CACNB4: variants seen among roughly 807,000 people sequenced by gnomAD.
The protein encoded by CACNB4 is calcium voltage-gated channel auxiliary subunit beta 4.
A neutral mutation model predicts 71.2 loss-of-function variants in CACNB4; 32 were observed. The ratio of observed to expected loss-of-function variants is 0.45; its 90% confidence interval spans 0.34 to 0.60. CACNB4 has a LOEUF of 0.60. CACNB4 is among the 20% of genes least tolerant of loss of function. CACNB4 has a pLI of 0.01. For missense variants in CACNB4, 464 were observed against 647.9 expected (o/e 0.72, Z 3.08); for synonymous variants, 231 against 236.9 (o/e 0.97, Z 0.23).
intron 2 of CACNB4, among the ~76,000 whole-genome samples, chr2:151,896,323 G>C (rs2099852056): frequency 6.6e-6 from 1 of 152,204 alleles, no homozygotes; most frequent in Non-Finnish European, 1.5e-5. Context: ...TGCTGTTTTT[G>C]AATTAGAAGA....
At chr2:151,879,960 G>A (rs1038285889) in intron 4 of CACNB4, 1 of 152,184 alleles carries the variant, frequency 6.6e-6, no homozygotes, top group African/African-American at 2.4e-5. Flanking sequence ...AGCAACTAAT[G>A]AATATGGCTT....
At chr2:151,857,832 T>C (rs1037067117) in intron 10 of CACNB4, 1 of 152,102 alleles carries the variant, frequency 6.6e-6, no homozygotes, top group Non-Finnish European at 1.5e-5. Context: ...AGCAATGAGG[T>C]TAAGTGTGGT....
intron 2 of CACNB4, among the ~76,000 whole-genome samples, chr2:151,915,569 A>C (rs1241089687): frequency 6.6e-6 from 1 of 152,186 alleles, no homozygotes; most frequent in Non-Finnish European, 1.5e-5. Flanking sequence ...GTGGCCAGGC[A>C]CAGTGGCTCA....
At position 151,834,504 on chromosome 2, in the gene CACNB4, A is replaced by G. The variant is rs970285029; in HGVS notation, c.*4615T>C. On this transcript the variant is annotated 3_prime_UTR_variant, in exon 14 of 14. Transcript: ENST00000539935. Reference sequence around the variant, plus strand: ...TTTAGAATTAATCATTACAAGTAAAAAGAGATAGCTGCTATCAGAGGATGT... The same window carrying G: ...TTTAGAATTAATCATTACAAGTAAAGAGAGATAGCTGCTATCAGAGGATGT... 5 of 152,008 alleles carry G rather than the reference A, an allele frequency of 3.3e-5. No homozygotes were observed. The highest frequency in any genetic ancestry group is 7.4e-5 in the Non-Finnish European group (5 of 67,856). The allele number at this position is 152,008 out of a possible 1,614,324, so 9.4% of individuals were successfully genotyped here.
At chr2:151,951,195 G>A (rs2099866840) in intron 2 of CACNB4, among the ~76,000 whole-genome samples, 1 of 152,118 alleles carries the variant, frequency 6.6e-6, no homozygotes, top group African/African-American at 2.4e-5. Flanking sequence ...CAAAGTGCTA[G>A]GATTACAAGC....
At chr2:151,997,203 T>C (rs1287618663) in intron 2 of CACNB4, among the ~76,000 whole-genome samples, 1 of 152,182 alleles carries the variant, frequency 6.6e-6, no homozygotes, top group Non-Finnish European at 1.5e-5. Context: ...CCTGGATTAC[T>C]TGAATGGGTC....
At chr2:151,941,394 G>T (rs1196902445) in intron 2 of CACNB4, among the ~76,000 whole-genome samples, 3 of 148,890 alleles carry the variant, frequency 2.0e-5, no homozygotes, top group African/African-American at 7.5e-5. Flanking sequence ...CAATTCTCCT[G>T]CCTCAGCAAC....
intron 2 of CACNB4, among the ~76,000 whole-genome samples, chr2:151,915,117 C>T (rs1187304688): frequency 6.6e-6 from 1 of 152,176 alleles, no homozygotes; most frequent in Non-Finnish European, 1.5e-5. Context: ...TGCGGCCACA[C>T]CTCCCCCTAG....
intron 2 of CACNB4, among the ~76,000 whole-genome samples, chr2:152,077,133 A>G (rs563123149): frequency 6.6e-6 from 1 of 152,392 alleles, no homozygotes; most frequent in Admixed American, 6.5e-5. Context: ...TTAAAAGAAC[A>G]TAAAGAGCCG....
intron 2 of CACNB4, among the ~76,000 whole-genome samples, chr2:152,050,510 G>C (rs565909018): frequency 2.0e-5 from 3 of 152,258 alleles, no homozygotes; most frequent in African/African-American, 7.2e-5. Flanking sequence ...TTCCACTAAT[G>C]CTCACTGCTT....
intron 9 of CACNB4, chr2:151,868,265 T>C (rs931298614): frequency 1.3e-5 from 2 of 152,204 alleles, no homozygotes; most frequent in African/African-American, 4.8e-5. Flanking sequence ...ATGGCTTAAT[T>C]ACTGCCTTCA....
At chr2:151,884,542 G>A (rs1258660626) in intron 2 of CACNB4, among the ~76,000 whole-genome samples, 3 of 149,122 alleles carry the variant, frequency 2.0e-5, no homozygotes, top group Non-Finnish European at 3.0e-5. Context: ...GGCTGAGGCA[G>A]GAGAATGGCG....
chr2:152,098,713 C>T lies in CACNB4; in HGVS notation c.63+236G>A. ...CATCCGCTGGGGGAGGCTGCGGGCTCCGGAGCGGGAGCGCAGAGACCCGAA... is the reference window on the plus strand; with the variant it reads ...CATCCGCTGGGGGAGGCTGCGGGCTTCGGAGCGGGAGCGCAGAGACCCGAA... On this transcript the variant is annotated intron_variant, in intron 1 of 13. Transcript: ENST00000539935. The surrounding 1 kb of genome is among the most constrained non-coding windows in gnomAD (Gnocchi z 5.3). 2 of 1,553,960 alleles carry T rather than the reference C, an allele frequency of 1.3e-6. No homozygotes were observed. The highest frequency in any genetic ancestry group is 1.7e-6 in the Non-Finnish European group (2 of 1,148,592).
At chr2:151,877,657 G>A (rs1452193735) in intron 4 of CACNB4, among the ~76,000 whole-genome samples, 1 of 152,158 alleles carries the variant, frequency 6.6e-6, no homozygotes. Flanking sequence ...TGCAAATTAA[G>A]GTCCATCTTA....
At chr2:151,932,417 C>T (rs1049685244) in intron 2 of CACNB4, among the ~76,000 whole-genome samples, 23 of 152,212 alleles carry the variant, frequency 1.5e-4, no homozygotes, top group Admixed American at 1.5e-3. Flanking sequence ...AGGGAAGGAG[C>T]TTCACCAGTG....
chr2:152,091,898 A>G (rs1271643427), intron 2 of CACNB4, among the ~76,000 whole-genome samples: 1 of 152,218 alleles, frequency 6.6e-6, no homozygotes, highest in South Asian at 2.1e-4. Flanking sequence ...TTGGGAAGAA[A>G]CCACAGTCTC....
intron 2 of CACNB4, among the ~76,000 whole-genome samples, chr2:151,978,523 G>A (rs1364006829): frequency 6.6e-6 from 1 of 152,160 alleles, no homozygotes; most frequent in Admixed American, 6.5e-5. Flanking sequence ...GTAACGCTCA[G>A]TAAGCTACTC....
At chr2:151,930,874 T>G (rs1246038271) in intron 2 of CACNB4, among the ~76,000 whole-genome samples, 2 of 152,306 alleles carry the variant, frequency 1.3e-5, no homozygotes, top group Non-Finnish European at 2.9e-5. Flanking sequence ...CTCTATAATA[T>G]TCTACAACAT....
intron 13 of CACNB4, among the ~76,000 whole-genome samples, chr2:151,839,591 G>C (rs979683997): frequency 6.6e-6 from 1 of 152,178 alleles, no homozygotes; most frequent in Non-Finnish European, 1.5e-5. Flanking sequence ...TAGTTTATGA[G>C]TTTAATTCCA....
Sources: gnomAD v4.1 joint callset for allele counts (sites outside exome capture counted in the v4.1 genomes callset) on GRCh38, gnomAD v4.1.1 for gene constraint, Gnocchi (gnomAD v3.1) non-coding constraint, MANE v1.5 for transcripts, NCBI Gene and HGNC (gene_info 2026-07-23, HGNC 2026-07-21) for gene names.